Variants in SLC25A39 observed in about 807,000 individuals in gnomAD.
SLC25A39 encodes the protein solute carrier family 25 member 39.
Under a neutral mutation model 46.6 loss-of-function variants are expected in SLC25A39, and 44 were observed. The observed-to-expected ratio is 0.94, with a 90% CI of 0.74 to 1.21. SLC25A39 has a LOEUF of 1.21. SLC25A39 is among the 50% of genes most tolerant of loss of function. SLC25A39 has a pLI of 0.00. For missense variants in SLC25A39, 487 were observed against 473.0 expected (o/e 1.03, Z -0.28); for synonymous variants, 218 against 190.6 (o/e 1.14, Z -1.19).
chr17:44,319,744 A>G lies in SLC25A39; in HGVS notation c.*257T>C. ...CTACAGCAAACACAGGGAAACACGA[A>G]GGGGGCAGCTGGAAGATTTGGTCTT... On this transcript the variant is annotated 3_prime_UTR_variant, in exon 12 of 12. Coordinates refer to ENST00000377095, the MANE Select transcript of SLC25A39 (RefSeq NM_001143780.3). The G allele has an allele frequency of 2.0e-6, 1 of 502,130 alleles. No individual in the cohort carries two copies. The allele number at this position is 502,130 out of a possible 1,614,324, so 31.1% of individuals were successfully genotyped here.
Position 44,322,791 on chromosome 17 carries a change from T to G in SLC25A39, c.190+17A>C, listed in dbSNP as rs762199715. ...CCCTTGCACCCTCCCATGCTCCCTG[T>G]GGCTTGGGGCACTCACATTTGGTAT... On this transcript the variant is annotated intron_variant, in intron 4 of 11. Transcript: ENST00000377095. The G allele has an allele frequency of 2.1e-5, 34 of 1,613,872 alleles. No individual in the cohort carries two copies. Among genetic ancestry groups the G allele is most frequent in the Non-Finnish European group, 2.9e-5 (34 of 1,179,954 alleles).
In SLC25A39 at chr17:44,319,890, G is replaced by A. The variant is rs1283314896; in HGVS notation, c.*111C>T. 1 of 1,030,538 alleles carries A rather than the reference G, an allele frequency of 9.7e-7. No individual in the cohort carries two copies. Among genetic ancestry groups the A allele is most frequent in the African/African-American group, 1.6e-5 (1 of 63,248 alleles). 63.8% of individuals were successfully genotyped at this position (1,030,538 alleles called of 1,614,324 possible). On this transcript the variant is annotated 3_prime_UTR_variant, in exon 12 of 12. Coordinates refer to ENST00000377095, the MANE Select transcript of SLC25A39 (RefSeq NM_001143780.3). ...TGCCCTGGAGCTTGTCGCCGGGAGG[G>A]AAGGGAAACAAGCCCCCTCCCTCAG...
intron 8 of SLC25A39, 85 bp from the exon 9 acceptor site, chr17:44,320,816 T>A (rs1370118268): frequency 8.8e-7 from 1 of 1,135,968 alleles, no homozygotes; most frequent in Non-Finnish European, 1.3e-6. Context: ...CACCACTCCC[T>A]CCCAGCTGTG....
Position 44,321,510 on chromosome 17 carries a change from T to G in SLC25A39, c.441A>C (p.Gln147His). Residue 147 changes from glutamine to histidine, a missense_variant, in exon 7 of 12, where the codon CAA becomes CAC. Gln to His is a conservative substitution (Grantham distance 24, BLOSUM62 0). Transcript: ENST00000377095. ...CTCGACCACACAGGAAGGCCTTCAG[T>G]TGGTCATAGGCAGTGAAGTAGATGG... is the stretch of plus-strand genomic sequence containing the variant. ...ATAIYFTAYD[Q>H]LKAFLCGRAL... is the part of the protein sequence containing the mutation. The G allele has an allele frequency of 6.2e-7, 1 of 1,614,000 alleles. No individual in the cohort carries two copies. The highest frequency in any genetic ancestry group is 8.5e-7 in the Non-Finnish European group (1 of 1,179,958).
At chr17:44,322,916 G>A (rs1244899225) in intron 3 of SLC25A39, 64 bp from the exon 4 acceptor site, 4 of 1,547,062 alleles carry the variant, frequency 2.6e-6, no homozygotes, top group Non-Finnish European at 3.6e-6. Context: ...CCCCATCTCT[G>A]GGAGATCTTT....
rs1340785071 is a variant in SLC25A39, at chr17:44,323,350, G to GA, written c.86-8dup. 1 of 1,609,588 alleles carries GA rather than the reference G, an allele frequency of 6.2e-7. No homozygotes were observed. The highest frequency in any genetic ancestry group is 1.1e-5 in the South Asian group (1 of 90,574). On this transcript the variant is annotated splice_region_variant and splice_polypyrimidine_tract_variant and intron_variant, in intron 2 of 11. Coordinates refer to ENST00000377095, the MANE Select transcript of SLC25A39 (RefSeq NM_001143780.3). ...ACCACGTCCAGGGGTGTCACTGGGG[G>GA]AGGAAGCGGGTCTGAAGGCTCCTTT...
At position 44,322,564 on chromosome 17, in the gene SLC25A39, C is replaced by G. The variant is rs527479174; in HGVS notation, c.191-12G>C. ...GAGAGAGGAGGGCACTGGGGAAAGG[C>G]AGGGGGCATTATAATGACAGGATCC... is the stretch of plus-strand genomic sequence containing the variant. On this transcript the variant is annotated splice_polypyrimidine_tract_variant and intron_variant, in intron 4 of 11. Transcript: ENST00000377095. 2.5e-6 allele frequency: 4 copies of G among 1,613,380 alleles called. No individual in the cohort carries two copies. The highest frequency in any genetic ancestry group is 3.3e-5 in the Admixed American group (2 of 59,814).
intron 1 of SLC25A39, chr17:44,324,457 G>A (rs1182463879): frequency 6.6e-6 from 1 of 152,256 alleles, no homozygotes; most frequent in Non-Finnish European, 1.5e-5. Flanking sequence ...CCGGGGCCCG[G>A]AGAGAAAGAG....
intron 5 of SLC25A39, 110 bp downstream of exon 5, chr17:44,322,309 G>A (rs2048070769): frequency 1.6e-6 from 2 of 1,236,718 alleles, no homozygotes; most frequent in South Asian, 1.3e-5. Context: ...TGACGGAACC[G>A]GCTACCTCTG....
Position 44,319,737 on chromosome 17 carries a change from A to C in SLC25A39, c.*264T>G. 1 of 479,380 alleles carries C rather than the reference A, an allele frequency of 2.1e-6. No individual in the cohort carries two copies. Among genetic ancestry groups the C allele is most frequent in the Non-Finnish European group, 3.8e-6 (1 of 260,860 alleles). The allele number at this position is 479,380 out of a possible 1,614,324, so 29.7% of individuals were successfully genotyped here. A position where few individuals can be genotyped will look rare whatever the true frequency, so the allele number is the denominator to read the frequency against. On this transcript the variant is annotated 3_prime_UTR_variant, in exon 12 of 12. Coordinates refer to ENST00000377095, the MANE Select transcript of SLC25A39 (RefSeq NM_001143780.3). ...TGCCCAGCTACAGCAAACACAGGGA[A>C]ACACGAAGGGGGCAGCTGGAAGATT...
At chr17:44,323,661 C>T in intron 1 of SLC25A39, 84 bp from the exon 2 acceptor site, 2 of 967,750 alleles carry the variant, frequency 2.1e-6, no homozygotes, top group East Asian at 2.6e-5. Context: ...TGTTTTGAGA[C>T]GGCGTCTCGC....
chr17:44,321,646 G>C, intron 6 of SLC25A39, 54 bp downstream of exon 6: 1 of 1,607,530 alleles, frequency 6.2e-7, no homozygotes, highest in Non-Finnish European at 8.5e-7. Context: ...ATTCAACAGG[G>C]AGCAAAGGGT....
Position 44,321,362 on chromosome 17 carries a change from G to A in SLC25A39, c.517+72C>T, listed in dbSNP as rs769602193. ...CCCTAGGCTGGCAGAGGTTGGGGCT[G>A]GGAGCTGGGACTGACTGGGTTTGGG... On this transcript the variant is annotated intron_variant, in intron 7 of 11. Transcript: ENST00000377095. 7 of 1,605,396 alleles carry A rather than the reference G, an allele frequency of 4.4e-6. No individual in the cohort carries two copies. The South Asian group carries it at 7.7e-5, about 18-fold the overall frequency.
rs1343998108 is a variant in SLC25A39, at chr17:44,320,073, G to A, written c.1008C>T (p.Ile336=). Residue 336 remains isoleucine (I), a synonymous_variant, in exon 12 of 12, where the codon ATC becomes ATT. Coordinates refer to ENST00000377095, the MANE Select transcript of SLC25A39 (RefSeq NM_001143780.3). The part of the protein sequence containing the change: ...RIIKAAPSCA[I]MISTYEFGKS... The stretch of plus-strand genomic sequence containing the variant: ...TGCCGAACTCATAGGTGCTGATCAT[G>A]ATGGCACAGGAGGGGGCAGCCTTGA... The A allele has an allele frequency of 2.5e-6, 4 of 1,613,992 alleles. No homozygotes were observed. The highest frequency in any genetic ancestry group is 2.7e-5 in the African/African-American group (2 of 74,910).
Position 44,320,452 on chromosome 17 carries a change from G to A in SLC25A39, c.802-16C>T. ...CTGCAGCCACCTGGTGGGGTGGGCG[G>A]GGAGAGGGCTCAGCTCCACTTCCTG... On this transcript the variant is annotated splice_polypyrimidine_tract_variant and intron_variant, in intron 9 of 11. Coordinates refer to ENST00000377095, the MANE Select transcript of SLC25A39 (RefSeq NM_001143780.3). The A allele has an allele frequency of 1.2e-6, 2 of 1,613,270 alleles. No individual in the cohort carries two copies. The highest frequency in any genetic ancestry group is 2.2e-5 in the South Asian group (2 of 91,070).
Position 44,320,670 on chromosome 17 carries a change from G to C in SLC25A39, c.753C>G (p.Asp251Glu). The change falls in exon 9 of 12, where the codon GAC (aspartate) becomes GAG (glutamate). Residue 251 changes from aspartate (D) to glutamate (E), a missense_variant. Transcript: ENST00000377095. ...KSWLNGFRPK[D>E]QTSVGMSFVA... Reference sequence around the variant, plus strand: ...CAAAGCTCATGCCCACAGAAGTCTGGTCCTTCGGCCTGAACCCATTGAGCC... The same window carrying C: ...CAAAGCTCATGCCCACAGAAGTCTGCTCCTTCGGCCTGAACCCATTGAGCC... 6.2e-7 allele frequency: 1 copy of C among 1,614,138 alleles called. No individual in the cohort carries two copies. The highest frequency in any genetic ancestry group is 8.5e-7 in the Non-Finnish European group (1 of 1,180,044).
At chr17:44,323,220 G>C in intron 3 of SLC25A39, 64 bp downstream of exon 3, 4 of 1,590,040 alleles carry the variant, frequency 2.5e-6, no homozygotes, top group Non-Finnish European at 3.4e-6. Flanking sequence ...ACCACGGCCA[G>C]CCTCTGGGAG....
chr17:44,321,850 C>A, intron 5 of SLC25A39, 83 bp from the exon 6 acceptor site: 1 of 1,415,576 alleles, frequency 7.1e-7, no homozygotes. Flanking sequence ...TAGGCCTTTG[C>A]CTGACGCCCT....
intron 8 of SLC25A39, 154 bp downstream of exon 8, chr17:44,320,904 T>TA: frequency 9.5e-7 from 1 of 1,047,676 alleles, no homozygotes; most frequent in Non-Finnish European, 1.4e-6. Flanking sequence ...GCAAATACTC[T>TA]ACCTGCTAGG....
Sources: allele counts gnomAD v4.1 joint callset, GRCh38; gene constraint gnomAD v4.1.1; transcripts MANE v1.5; gene names NCBI Gene and HGNC (gene_info 2026-07-23, HGNC 2026-07-21).